Variants in ARL5B observed in about 807,000 individuals in gnomAD.
ARL5B encodes ARF like GTPase 5B, also known as ADP-ribosylation factor-like protein 5B.
In ARL5B, 10 loss-of-function variants were observed where a neutral mutation model predicts 26.9. The ratio of observed to expected loss-of-function variants is 0.37; its 90% CI spans 0.23 to 0.63. The LOEUF (loss-of-function observed/expected upper bound fraction) is 0.63. ARL5B is among the 30% of genes least tolerant of loss of function. The pLI, the probability that ARL5B is intolerant of heterozygous loss-of-function variation, is 0.62. For missense variants in ARL5B, 167 were observed against 213.9 expected (o/e 0.78, Z 1.37); for synonymous variants, 87 against 70.4 (o/e 1.24, Z -1.18).
rs1304749721 is a variant in ARL5B, at chr10:18,679,032, TA to T, written c.*3819del. On this transcript the variant is annotated 3_prime_UTR_variant, in exon 6 of 6. Transcript: ENST00000377275. ...TAGGGCAATACAGGTAATATGAAATTAAATGTATTTTTATCCATTATTTGAT... is the reference window on the plus strand; with the variant it reads ...TAGGGCAATACAGGTAATATGAAATTAATGTATTTTTATCCATTATTTGAT... 1 of 151,922 alleles carries T rather than the reference TA, an allele frequency of 6.6e-6. No homozygotes were observed. Among genetic ancestry groups the T allele is most frequent in the East Asian group, 1.9e-4 (1 of 5,200 alleles). The allele number at this position is 151,922 out of a possible 1,614,324, so 9.4% of individuals were successfully genotyped here. A position where few individuals can be genotyped will look rare whatever the true frequency, so the allele number is the denominator to read the frequency against.
chr10:18,678,578 A>C lies in ARL5B; in HGVS notation c.*3362A>C, dbSNP rs944067910. The C allele has an allele frequency of 6.6e-6, 1 of 151,872 alleles. No homozygotes were observed. Among genetic ancestry groups the C allele is most frequent in the Non-Finnish European group, 1.5e-5 (1 of 67,804 alleles). 9.4% of individuals were successfully genotyped at this position (151,872 alleles called of 1,614,324 possible). ...ATCAATTTTTATTTAGTCCTTAACT[A>C]TGTAAAACCGTATCAGTAGAAAAAT... On this transcript the variant is annotated 3_prime_UTR_variant, in exon 6 of 6. Coordinates refer to ENST00000377275, the MANE Select transcript of ARL5B (RefSeq NM_178815.5).
At chr10:18,664,750 C>T (rs751160912) in intron 1 of ARL5B, among the ~76,000 whole-genome samples, 13 of 152,184 alleles carry the variant, frequency 8.5e-5, no homozygotes, top group Admixed American at 5.2e-4. Flanking sequence ...ACAGTAGTGT[C>T]TTAACCTAAC....
In ARL5B at chr10:18,659,547, C is replaced by T. The variant is rs2059816362; in HGVS notation, c.-91C>T. 4.8e-6 allele frequency: 7 copies of T among 1,462,760 alleles called. No individual in the cohort carries two copies. The highest frequency in any genetic ancestry group is 2.0e-4 in the Middle Eastern group (1 of 4,978). The allele number at this position is 1,462,760 out of a possible 1,614,324, so 90.6% of individuals were successfully genotyped here. On this transcript the variant is annotated 5_prime_UTR_variant, in exon 1 of 6. Coordinates refer to ENST00000377275, the MANE Select transcript of ARL5B (RefSeq NM_178815.5). ...CGCTGCGCGATCTCAGGCGGGTTCT[C>T]CTCGGCTCCGCGCAGCCCGCGCCGC...
chr10:18,671,039 A>G (rs1256061435), intron 3 of ARL5B, among the ~76,000 whole-genome samples: 1 of 148,526 alleles, frequency 6.7e-6, no homozygotes, highest in Admixed American at 6.8e-5. Context: ...GTAATTATTG[A>G]CACCTTCCTC....
chr10:18,680,140 A>T lies in ARL5B; in HGVS notation c.*4924A>T, dbSNP rs555119717. 2 of 152,036 alleles carry T rather than the reference A, an allele frequency of 1.3e-5. No homozygotes were observed. The highest frequency in any genetic ancestry group is 2.9e-5 in the Non-Finnish European group (2 of 67,902). 9.4% of individuals were successfully genotyped at this position (152,036 alleles called of 1,614,324 possible). On this transcript the variant is annotated 3_prime_UTR_variant, in exon 6 of 6. Coordinates refer to ENST00000377275, the MANE Select transcript of ARL5B (RefSeq NM_178815.5). ...TTTCTTGCACAACTTGTAAAATTTT[A>T]ATTAAAAAATTACCTCATTTTTCAA...
Position 18,680,282 on chromosome 10 carries a change from G to T in ARL5B, c.*5066G>T, listed in dbSNP as rs2059927138. The T allele has an allele frequency of 6.6e-6, 1 of 151,954 alleles. No individual in the cohort carries two copies. The highest frequency in any genetic ancestry group is 6.6e-5 in the Admixed American group (1 of 15,242). 9.4% of individuals were successfully genotyped at this position (151,954 alleles called of 1,614,324 possible). On this transcript the variant is annotated 3_prime_UTR_variant, in exon 6 of 6. Coordinates refer to ENST00000377275, the MANE Select transcript of ARL5B (RefSeq NM_178815.5). ...CATAACTAAGGGATAGCATTCCTTG[G>T]AGACTTTGTTTTGTTTTACTCTTGT...
rs781733930 is a variant in ARL5B, at chr10:18,659,597, C to G, written c.-41C>G. On this transcript the variant is annotated 5_prime_UTR_variant, in exon 1 of 6. Coordinates refer to ENST00000377275, the MANE Select transcript of ARL5B (RefSeq NM_178815.5). ...CGGTGGGGGACCCGGCGCAGCGGCA[C>G]CTGCTGCCGAGGGACCCCGCGGCCC... is the stretch of plus-strand genomic sequence containing the variant. The G allele has an allele frequency of 2.5e-6, 4 of 1,592,880 alleles. No individual in the cohort carries two copies. Among genetic ancestry groups the G allele is most frequent in the Non-Finnish European group, 3.4e-6 (4 of 1,170,970 alleles).
rs1269370672 is a variant in ARL5B at position 18,672,520 on chromosome 10, T to A, written c.256-102T>A. ...AGCAGTAGATGTTTTATAGTAATGA[T>A]GATGCCATGTAGAGAAAGTACTTAG... On this transcript the variant is annotated intron_variant, in intron 3 of 5. Coordinates refer to ENST00000377275, the MANE Select transcript of ARL5B (RefSeq NM_178815.5). 8 of 726,158 alleles carry A rather than the reference T, an allele frequency of 1.1e-5. No individual in the cohort carries two copies. The East Asian group carries it at 2.1e-4, about 19-fold the overall frequency. 45.0% of individuals were successfully genotyped at this position (726,158 alleles called of 1,614,324 possible).
Position 18,680,616 on chromosome 10 carries a change from A to G in ARL5B, c.*5400A>G, listed in dbSNP as rs1469502307. ...TTAGGGACTCTGAAGCCCCTATTTT[A>G]TTCTCTTGGAGTAAACTGTTGAGTG... On this transcript the variant is annotated 3_prime_UTR_variant, in exon 6 of 6. Coordinates refer to ENST00000377275, the MANE Select transcript of ARL5B (RefSeq NM_178815.5). 6.6e-6 allele frequency: 1 copy of G among 152,106 alleles called. No individual in the cohort carries two copies. The highest frequency in any genetic ancestry group is 1.5e-5 in the Non-Finnish European group (1 of 67,960). 9.4% of individuals were successfully genotyped at this position (152,106 alleles called of 1,614,324 possible).
intron 1 of ARL5B, 160 bp downstream of exon 1, chr10:18,659,843 C>A (rs752060762): frequency 2.0e-6 from 2 of 985,178 alleles, no homozygotes; most frequent in African/African-American, 1.7e-5. Flanking sequence ...ACCTGGAGGA[C>A]GTACAGGAGA....
intron 3 of ARL5B, among the ~76,000 whole-genome samples, chr10:18,670,364 A>G (rs1472744587): frequency 6.6e-6 from 1 of 152,186 alleles, no homozygotes; most frequent in Non-Finnish European, 1.5e-5. Context: ...TAATCCCAGC[A>G]CTTTGGTAGG....
chr10:18,663,876 T>G (rs1590224309), intron 1 of ARL5B, among the ~76,000 whole-genome samples: 1 of 152,036 alleles, frequency 6.6e-6, no homozygotes, highest in African/African-American at 2.4e-5. Context: ...AACTCTGGAC[T>G]GTAAGCAGGT....
chr10:18,659,594 G>A lies in ARL5B; in HGVS notation c.-44G>A, dbSNP rs952015089. ...CCGCGGTGGGGGACCCGGCGCAGCGGCACCTGCTGCCGAGGGACCCCGCGG... is the reference window on the plus strand; with the variant it reads ...CCGCGGTGGGGGACCCGGCGCAGCGACACCTGCTGCCGAGGGACCCCGCGG... On this transcript the variant is annotated 5_prime_UTR_variant, in exon 1 of 6. Transcript: ENST00000377275. 2.5e-6 allele frequency: 4 copies of A among 1,588,424 alleles called. No individual in the cohort carries two copies. The highest frequency in any genetic ancestry group is 2.7e-5 in the African/African-American group (2 of 72,896).
At position 18,671,990 on chromosome 10, in the gene ARL5B, T is replaced by A. The variant is rs117116589; in HGVS notation, c.256-632T>A. Among the ~76,000 whole-genome samples the A allele has an allele frequency of 1.3e-3, 196 of 152,304 alleles. 2 individuals are homozygous for A. In the South Asian group the frequency reaches 0.026, roughly 20 times the overall value. ...TTTTTTAATATGCAAACTCCCTTTTTTCATGTATAGCTTTACCAACAGATT... is the reference window on the plus strand; with the variant it reads ...TTTTTTAATATGCAAACTCCCTTTTATCATGTATAGCTTTACCAACAGATT... On this transcript the variant is annotated intron_variant, in intron 3 of 5. Coordinates refer to ENST00000377275, the MANE Select transcript of ARL5B (RefSeq NM_178815.5).
At chr10:18,671,546 G>C (rs1048997731) in intron 3 of ARL5B, among the ~76,000 whole-genome samples, 1 of 151,968 alleles carries the variant, frequency 6.6e-6, no homozygotes, top group Non-Finnish European at 1.5e-5. Flanking sequence ...TCTATCTCCT[G>C]CTGTAATAAC....
chr10:18,672,786 G>A, intron 4 of ARL5B, 81 bp downstream of exon 4: 1 of 839,162 alleles, frequency 1.2e-6, no homozygotes, highest in Non-Finnish European at 1.9e-6. Flanking sequence ...AAAGATTAAT[G>A]TGATATGATG....
chr10:18,668,413 T>G, intron 2 of ARL5B, 117 bp from the exon 3 acceptor site: 1 of 1,042,214 alleles, frequency 9.6e-7, no homozygotes, highest in Middle Eastern at 2.7e-4. Flanking sequence ...ATAATTTTCA[T>G]GCTAATGATC....
At chr10:18,674,160 G>A (rs1186064405) in intron 5 of ARL5B, 25 bp downstream of exon 5, 3 of 1,576,416 alleles carry the variant, frequency 1.9e-6, no homozygotes, top group Non-Finnish European at 2.6e-6. Context: ...CTGAGGGGAG[G>A]TATGACTTCT....
In ARL5B at chr10:18,677,044, T is replaced by C. The variant is rs1484930970; in HGVS notation, c.*1828T>C. 6.6e-6 allele frequency: 1 copy of C among 152,152 alleles called. No individual in the cohort carries two copies. Among genetic ancestry groups the C allele is most frequent in the African/African-American group, 2.4e-5 (1 of 41,344 alleles). 9.4% of individuals were successfully genotyped at this position (152,152 alleles called of 1,614,324 possible). On this transcript the variant is annotated 3_prime_UTR_variant, in exon 6 of 6. Transcript: ENST00000377275. ...TGGATGGTTTGTGGTGTGTGTGGGATGTGGGGGAATTAAGAAAATGCCATT... is the reference window on the plus strand; with the variant it reads ...TGGATGGTTTGTGGTGTGTGTGGGACGTGGGGGAATTAAGAAAATGCCATT...
Sources: allele counts gnomAD v4.1 joint callset (sites outside exome capture counted in the v4.1 genomes callset), GRCh38; gene constraint gnomAD v4.1.1; transcripts MANE v1.5; gene names NCBI Gene and HGNC (gene_info 2026-07-23, HGNC 2026-07-21).